Variants in NYAP2 observed in about 807,000 individuals in gnomAD.
NYAP2 encodes neuronal tyrosine-phosphorylated phosphoinositide-3-kinase adapter 2.
NYAP2 carries 23 observed loss-of-function variants against 50.4 expected under a neutral mutation model. The ratio of observed to expected loss-of-function variants is 0.46; its 90% CI spans 0.33 to 0.65. The LOEUF is 0.65. Among genes scored for constraint, NYAP2 ranks in the 30% least tolerant of loss-of-function variants. The pLI, the probability that NYAP2 is intolerant of heterozygous loss-of-function variation, is 0.02. For synonymous variants in NYAP2, 394 were observed against 365.2 expected (o/e 1.08, Z -0.90); for missense variants, 885 against 861.0 (o/e 1.03, Z -0.35).
chr2:225,505,704 T>C (rs1315238443), intron 3 of NYAP2, among the ~76,000 whole-genome samples: 2 of 152,182 alleles, frequency 1.3e-5, no homozygotes, highest in Admixed American at 6.5e-5. Context: ...ATTATACTGG[T>C]TCATTTAGGA....
At chr2:225,403,292 A>G (rs999000081) in intron 2 of NYAP2, among the ~76,000 whole-genome samples, 6 of 152,004 alleles carry the variant, frequency 3.9e-5, no homozygotes, top group Non-Finnish European at 5.9e-5. Flanking sequence ...AGAGCTCAGA[A>G]ATATATAAAG....
Position 225,521,212 on chromosome 2 carries a change from T to C in NYAP2, c.523+7540T>C, listed in dbSNP as rs940219695. Among the ~76,000 whole-genome samples, 6 of 151,998 alleles carry C rather than the reference T, an allele frequency of 3.9e-5. 1 individual carries two copies. The highest frequency in any genetic ancestry group is 7.4e-5 in the Non-Finnish European group (5 of 67,956). ...GTTTTCTAGATATACAATCATGTCA[T>C]CTGCAAACAGGGACAATTTGACTTC... On this transcript the variant is annotated intron_variant, in intron 4 of 6. Coordinates refer to ENST00000636099, the Ensembl canonical transcript of NYAP2.
At chr2:225,458,342 A>G (rs1288003389) in intron 3 of NYAP2, among the ~76,000 whole-genome samples, 1 of 152,124 alleles carries the variant, frequency 6.6e-6, no homozygotes, top group African/African-American at 2.4e-5. Flanking sequence ...CAGAAAATCT[A>G]CGTACTTTAA....
At chr2:225,700,940 C>A in the NYAP2 span, 2 of 151,806 alleles carry the variant, frequency 1.3e-5, no homozygotes, top group African/African-American at 4.8e-5. Flanking sequence ...GGCCAGGTTT[C>A]ATGCACTCCT....
chr2:225,497,880 C>T (rs1303329324), intron 3 of NYAP2, among the ~76,000 whole-genome samples: 3 of 152,104 alleles, frequency 2.0e-5, no homozygotes, highest in African/African-American at 7.2e-5. Context: ...ATTAGAGATA[C>T]TGAGATCAGT....
rs187847381 is a variant in NYAP2 at position 225,519,354 on chromosome 2, G to A, written c.523+5682G>A. On this transcript the variant is annotated intron_variant, in intron 4 of 6. Transcript: ENST00000636099. ...AGTTACATATGTATACATGTGCCAT[G>A]CTGGTGTGCTGCACCCATTAACTCA... Among the ~76,000 whole-genome samples the A allele has an allele frequency of 7.9e-5, 12 of 151,504 alleles. No homozygotes were observed. The East Asian group carries it at 2.3e-3, about 29-fold the overall frequency.
At chr2:225,472,965 T>C (rs1017750339) in intron 3 of NYAP2, among the ~76,000 whole-genome samples, 2 of 152,134 alleles carry the variant, frequency 1.3e-5, no homozygotes, top group Non-Finnish European at 2.9e-5. Context: ...CCACTCCGCT[T>C]ACCCCACAAC....
At chr2:225,423,085 A>T (rs569521299) in intron 3 of NYAP2, among the ~76,000 whole-genome samples, 1 of 152,260 alleles carries the variant, frequency 6.6e-6, no homozygotes, top group East Asian at 1.9e-4. Context: ...AAAGTATTCT[A>T]TCACTTCTTA....
chr2:225,446,925 C>T (rs1689573562), intron 3 of NYAP2, among the ~76,000 whole-genome samples: 1 of 152,068 alleles, frequency 6.6e-6, no homozygotes, highest in Non-Finnish European at 1.5e-5. Context: ...CAGGACAATT[C>T]AACCAGAGAG....
Position 225,403,749 on chromosome 2 carries a change from G to C in NYAP2, c.-18+2706G>C, listed in dbSNP as rs539225771. Among the ~76,000 whole-genome samples the C allele has an allele frequency of 4.8e-4, 73 of 152,036 alleles. No homozygotes were observed. The South Asian group carries it at 7.9e-3, about 16-fold the overall frequency. ...GATAAAAGGACCTGTGCCTATGAAG[G>C]CTACTGGACTAACTTACTCAGATGA... On this transcript the variant is annotated intron_variant, in intron 2 of 6. Transcript: ENST00000636099.
intron 5 of NYAP2, among the ~76,000 whole-genome samples, chr2:225,622,576 T>TTTCTTTCTTTC: frequency 8.8e-6 from 1 of 113,728 alleles, no homozygotes; most frequent in East Asian, 2.4e-4. Context: ...TCTTTCTTTC[T>TTTCTTTCTTTC]TTCTTCTTTC....
intron 3 of NYAP2, among the ~76,000 whole-genome samples, chr2:225,495,837 A>G (rs1475018168): frequency 6.6e-6 from 1 of 152,242 alleles, no homozygotes; most frequent in Non-Finnish European, 1.5e-5. Context: ...AGACTGACCT[A>G]GTAAAGCTAT....
At chr2:225,583,011 C>T (rs753557645) in exon 5 of NYAP2, 14 of 1,611,656 alleles carry the variant, frequency 8.7e-6, no homozygotes, top group South Asian at 4.4e-5. Flanking sequence ...GTCCAGTGGC[C>T]GGCGCTCCAA....
chr2:225,545,174 G>A (rs990978622), intron 4 of NYAP2, among the ~76,000 whole-genome samples: 30 of 152,030 alleles, frequency 2.0e-4, no homozygotes, highest in Middle Eastern at 3.4e-3. Context: ...AGTTTTCTTT[G>A]GGTTAAATCT....
intron 5 of NYAP2, among the ~76,000 whole-genome samples, chr2:225,603,811 C>T (rs1574704429): frequency 6.6e-6 from 1 of 152,102 alleles, no homozygotes; most frequent in Non-Finnish European, 1.5e-5. Context: ...AAATAGGCTC[C>T]TTCTTCATTC....
chr2:225,616,399 A>G (rs949940479), intron 5 of NYAP2, among the ~76,000 whole-genome samples: 16 of 152,192 alleles, frequency 1.1e-4, no homozygotes, highest in Admixed American at 2.6e-4. Flanking sequence ...AGAGACTTGG[A>G]GGATGGAATA....
At chr2:225,676,519 G>T in the NYAP2 span, among the ~76,000 whole-genome samples, 1 of 152,044 alleles carries the variant, frequency 6.6e-6, no homozygotes, top group Non-Finnish European at 1.5e-5. Context: ...ACATGGCTGG[G>T]GAGGCCTCAC....
intron 3 of NYAP2, among the ~76,000 whole-genome samples, chr2:225,465,680 C>G (rs754275987): frequency 3.3e-5 from 5 of 152,176 alleles, no homozygotes; most frequent in Non-Finnish European, 7.4e-5. Context: ...CGCGCCACTG[C>G]ACTCCAGCCT....
chr2:225,448,394 A>G (rs1335316908), intron 3 of NYAP2, among the ~76,000 whole-genome samples: 2 of 152,192 alleles, frequency 1.3e-5, no homozygotes. Flanking sequence ...TGAAATATTA[A>G]GGGGATGGAA....
Sources: gnomAD v4.1 joint callset for allele counts (sites outside exome capture counted in the v4.1 genomes callset) on GRCh38, gnomAD v4.1.1 for gene constraint, MANE v1.5 for transcripts, NCBI Gene and HGNC (gene_info 2026-07-23, HGNC 2026-07-21) for gene names.